Variants in ZNF569 observed in about 807,000 individuals in gnomAD.
ZNF569 encodes DNA-binding protein.
In ZNF569, 38 loss-of-function variants were observed where a neutral mutation model predicts 56.3. That is an observed-to-expected ratio of 0.68 (90% CI 0.52 to 0.88). ZNF569 has a LOEUF of 0.88. Among genes scored for constraint, ZNF569 ranks in the 40% least tolerant of loss-of-function variants. The pLI, the probability that ZNF569 is intolerant of heterozygous loss-of-function variation, is 0.00. For synonymous variants in ZNF569, 241 were observed against 262.9 expected, an observed-to-expected ratio of 0.92 and a Z score of 0.81; for missense variants, 666 against 809.2, an observed-to-expected ratio of 0.82 and a Z score of 2.15.
intron 5 of ZNF569, among the ~76,000 whole-genome samples, chr19:37,421,872 C>T (rs941745327): frequency 6.6e-6 from 1 of 151,250 alleles, no homozygotes; most frequent in Non-Finnish European, 1.5e-5. Flanking sequence ...GTCTCAGCCT[C>T]CCAAGCAGCT....
At chr19:37,432,674 T>C (rs2041245035) in intron 3 of ZNF569, among the ~76,000 whole-genome samples, 1 of 152,160 alleles carries the variant, frequency 6.6e-6, no homozygotes, top group African/African-American at 2.4e-5. Flanking sequence ...CTTCACCAAA[T>C]TGAACTCAGT....
intron 3 of ZNF569, among the ~76,000 whole-genome samples, chr19:37,432,627 A>G (rs2041244068): frequency 6.6e-6 from 1 of 152,196 alleles, no homozygotes; most frequent in South Asian, 2.1e-4. Flanking sequence ...ACATCAACAA[A>G]CATTCACAGG....
chr19:37,416,583 A>G (rs2040937308), intron 5 of ZNF569, among the ~76,000 whole-genome samples: 1 of 152,210 alleles, frequency 6.6e-6, no homozygotes, highest in South Asian at 2.1e-4. Flanking sequence ...CAGATTACTT[A>G]TAATACTGAA....
chr19:37,434,893 T>TA (rs1600315224), intron 3 of ZNF569, among the ~76,000 whole-genome samples: 2 of 152,312 alleles, frequency 1.3e-5, no homozygotes, highest in East Asian at 3.9e-4. Flanking sequence ...GAACTAATGA[T>TA]AATCCCACCA....
intron 2 of ZNF569, among the ~76,000 whole-genome samples, chr19:37,451,091 A>C (rs1279385949): frequency 6.6e-6 from 1 of 152,150 alleles, no homozygotes; most frequent in Non-Finnish European, 1.5e-5. Flanking sequence ...TGTATTCTAC[A>C]GCTGTTGGGT....
chr19:37,461,860 C>G lies in ZNF569; in HGVS notation c.-44+3453G>C, dbSNP rs115373225. Reference sequence around the variant, plus strand: ...ATGAAACCAACATTCTGGTTAAATCCAAATCTCCCCCTAGCCTGTCTGGCT... The same window carrying G: ...ATGAAACCAACATTCTGGTTAAATCGAAATCTCCCCCTAGCCTGTCTGGCT... On this transcript the variant is annotated intron_variant, in intron 2 of 5. Coordinates refer to ENST00000316950, the MANE Select transcript of ZNF569 (RefSeq NM_152484.3). Among the ~76,000 whole-genome samples, 637 of 152,212 alleles carry G rather than the reference C, an allele frequency of 4.2e-3. 3 individuals carry two copies. Among genetic ancestry groups the G allele is most frequent in the African/African-American group, 0.014 (592 of 41,534 alleles).
intron 3 of ZNF569, among the ~76,000 whole-genome samples, chr19:37,427,593 G>A (rs2041155813): frequency 6.6e-6 from 1 of 152,152 alleles, no homozygotes; most frequent in African/African-American, 2.4e-5. Context: ...TTGTTTCTAG[G>A]TCCTAAAAGG....
intron 3 of ZNF569, among the ~76,000 whole-genome samples, chr19:37,439,118 T>A (rs749704111): frequency 1.6e-4 from 24 of 152,230 alleles, no homozygotes; most frequent in Non-Finnish European, 3.4e-4. Flanking sequence ...TTGCCCAGGC[T>A]GGAGTGCAGT....
intron 2 of ZNF569, among the ~76,000 whole-genome samples, chr19:37,448,708 C>T (rs574634742): frequency 2.5e-4 from 38 of 151,852 alleles, no homozygotes; most frequent in Admixed American, 1.0e-3. Flanking sequence ...GGACTAAACG[C>T]GCCCGCAACC....
intron 3 of ZNF569, among the ~76,000 whole-genome samples, chr19:37,429,367 C>T (rs1416337759): frequency 6.6e-6 from 1 of 152,198 alleles, no homozygotes; most frequent in African/African-American, 2.4e-5. Context: ...AATGGCAGAG[C>T]AATGAAGGAG....
chr19:37,423,040 T>C (rs1297788077), intron 5 of ZNF569, among the ~76,000 whole-genome samples: 1 of 152,208 alleles, frequency 6.6e-6, no homozygotes, highest in Admixed American at 6.5e-5. Context: ...TCAAATATAA[T>C]AGATGATCCT....
chr19:37,442,073 C>T (rs2041416371), intron 3 of ZNF569, among the ~76,000 whole-genome samples: 1 of 152,282 alleles, frequency 6.6e-6, no homozygotes, highest in African/African-American at 2.4e-5. Context: ...CAGGGGATAG[C>T]AGAGTGAGTT....
rs2041378191 is a variant in ZNF569, at chr19:37,440,017, T to C, written c.15+4890A>G. The stretch of plus-strand genomic sequence containing the variant: ...ACAGGACAACTATAGTCAACAATAA[T>C]TTGTACATTTAAAAATAACCAAAAG... On this transcript the variant is annotated intron_variant, in intron 3 of 5. Transcript: ENST00000316950. Among the ~76,000 whole-genome samples, 3 of 152,288 alleles carry C rather than the reference T, an allele frequency of 2.0e-5. No individual in the cohort carries two copies. In the South Asian group the frequency reaches 6.2e-4, roughly 32 times the overall value.
chr19:37,455,848 C>G (rs1432660412), intron 2 of ZNF569, among the ~76,000 whole-genome samples: 1 of 152,148 alleles, frequency 6.6e-6, no homozygotes, highest in East Asian at 1.9e-4. Flanking sequence ...ATAAGGGCAC[C>G]CACTGATGGC....
chr19:37,466,296 A>G (rs989323192), intron 1 of ZNF569, among the ~76,000 whole-genome samples: 1 of 152,236 alleles, frequency 6.6e-6, no homozygotes, highest in Non-Finnish European at 1.5e-5. Flanking sequence ...TTAAAAATAA[A>G]TAAATATTAA....
At chr19:37,430,604 A>G (rs1487131598) in intron 3 of ZNF569, among the ~76,000 whole-genome samples, 1 of 152,134 alleles carries the variant, frequency 6.6e-6, no homozygotes, top group East Asian at 1.9e-4. Context: ...ACTATCAGAG[A>G]GGAAGTAGGG....
chr19:37,465,999 G>A (rs2041826227), intron 1 of ZNF569, among the ~76,000 whole-genome samples: 1 of 152,158 alleles, frequency 6.6e-6, no homozygotes, highest in Admixed American at 6.5e-5. Flanking sequence ...AAGAAAGGTT[G>A]GTTACAGAGC....
intron 2 of ZNF569, among the ~76,000 whole-genome samples, chr19:37,464,951 T>G (rs2041808410): frequency 6.6e-6 from 1 of 152,146 alleles, no homozygotes; most frequent in South Asian, 2.1e-4. Flanking sequence ...AAAGCCAAAA[T>G]TAATACTACG....
At chr19:37,446,549 C>CAAAAAAAAAAAAAAAAA (rs74174464) in intron 2 of ZNF569, among the ~76,000 whole-genome samples, 1 of 60,454 alleles carries the variant, frequency 1.7e-5, no homozygotes, top group Non-Finnish European at 3.2e-5. Context: ...GACTCCATCT[C>CAAAAAAAAAAAAAAAAA]AAAAAAAAAA....
Sources: gnomAD v4.1 joint callset for allele counts (sites outside exome capture counted in the v4.1 genomes callset) on GRCh38, gnomAD v4.1.1 for gene constraint, MANE v1.5 for transcripts, NCBI Gene and HGNC (gene_info 2026-07-23, HGNC 2026-07-21) for gene names.